DOCK6: variants seen among roughly 807,000 people sequenced by gnomAD.
DOCK6 encodes dedicator of cytokinesis protein 6.
In DOCK6, 167 loss-of-function variants were observed where a neutral mutation model predicts 230.3. The ratio of observed to expected loss-of-function variants is 0.73; its 90% CI spans 0.64 to 0.82. The LOEUF is 0.82. DOCK6 is among the 40% of genes least tolerant of loss of function. The pLI is 0.00. For synonymous variants in DOCK6, 1,148 were observed against 1,185.0 expected, an observed-to-expected ratio of 0.97 and a Z score of 0.64; for missense variants, 2,598 against 2,825.8, an observed-to-expected ratio of 0.92 and a Z score of 1.83.
intron 6 of DOCK6, among the ~76,000 whole-genome samples, chr19:11,249,182 T>C (rs1364384687): frequency 1.3e-5 from 2 of 152,190 alleles, no homozygotes; most frequent in Non-Finnish European, 2.9e-5. Context: ...ATACAGTTGG[T>C]ACCCAATACA....
Position 11,202,221 on chromosome 19 carries a change from C to T in DOCK6, c.5452-96G>A. ...AGGGGATCTGGGGACTTTGTCATTT[C>T]CAAGTCTTCCTATGTCTGGATGTTT... On this transcript the variant is annotated intron_variant, in intron 43 of 47. Coordinates refer to ENST00000294618, the MANE Select transcript of DOCK6 (RefSeq NM_020812.4). The surrounding 1 kb of genome is among the most constrained non-coding windows in gnomAD (Gnocchi z 5.3). The T allele has an allele frequency of 7.0e-7, 1 of 1,432,262 alleles. No individual in the cohort carries two copies. Among genetic ancestry groups the T allele is most frequent in the Non-Finnish European group, 9.6e-7 (1 of 1,038,668 alleles). 88.7% of individuals were successfully genotyped at this position (1,432,262 alleles called of 1,614,324 possible).
At chr19:11,228,679 C>T (rs1156758900) in intron 23 of DOCK6, among the ~76,000 whole-genome samples, 1 of 151,862 alleles carries the variant, frequency 6.6e-6, no homozygotes, top group African/African-American at 2.4e-5. Context: ...TCTGCCTCAG[C>T]CTCCCGAGTA....
rs1357766932 is a variant in DOCK6, at chr19:11,245,559, G to C, written c.1023+4C>G. ...CCACCCCCTTGCCCAGCCCCAGCAGGCACCTTGATGACCAGGAAGATGTCA... is the reference window on the plus strand; with the variant it reads ...CCACCCCCTTGCCCAGCCCCAGCAGCCACCTTGATGACCAGGAAGATGTCA... On this transcript the variant is annotated splice_donor_region_variant and intron_variant, in intron 9 of 47. Transcript: ENST00000294618. The C allele has an allele frequency of 6.4e-7, 1 of 1,554,142 alleles. No individual in the cohort carries two copies. The highest frequency in any genetic ancestry group is 1.4e-5 in the African/African-American group (1 of 73,242).
chr19:11,259,377 T>C (rs183750343), intron 1 of DOCK6, among the ~76,000 whole-genome samples: 18 of 151,998 alleles, frequency 1.2e-4, no homozygotes, highest in African/African-American at 4.3e-4. Context: ...GTTGTTTAAA[T>C]GGTAAAAAAT....
rs778748105 is a variant in DOCK6, at chr19:11,238,324, G to A, written c.1644-20C>T. ...AGGTTCCTGTGGGGGGCAGGATGGG[G>A]GTGTCAGAGGGACAGGGGCCCTGAA... On this transcript the variant is annotated intron_variant, in intron 14 of 47. Coordinates refer to ENST00000294618, the MANE Select transcript of DOCK6 (RefSeq NM_020812.4). 4.4e-6 allele frequency: 7 copies of A among 1,582,988 alleles called. No individual in the cohort carries two copies. Among genetic ancestry groups the A allele is most frequent in the Non-Finnish European group, 6.0e-6 (7 of 1,165,516 alleles).
chr19:11,229,766 T>C (rs1213867208), intron 22 of DOCK6, among the ~76,000 whole-genome samples: 2 of 151,874 alleles, frequency 1.3e-5, no homozygotes, highest in Non-Finnish European at 2.9e-5. Context: ...ATACCTGTTA[T>C]CCCAGCACTT....
At chr19:11,240,318 A>G in intron 14 of DOCK6, 2 of 1,528,830 alleles carry the variant, frequency 1.3e-6, no homozygotes, top group Non-Finnish European at 1.8e-6. Flanking sequence ...CCCCAACCCT[A>G]GTGGGCTGAG....
At chr19:11,235,000 T>C (rs1426575967) in intron 21 of DOCK6, among the ~76,000 whole-genome samples, 5 of 152,100 alleles carry the variant, frequency 3.3e-5, no homozygotes, top group Admixed American at 1.3e-4. Context: ...TGGAGTGCAG[T>C]GGCGTGATCT....
In DOCK6 at chr19:11,204,203, G is replaced by A. The variant is rs1267553786; in HGVS notation, c.5217C>T (p.His1739=). The A allele has an allele frequency of 1.3e-6, 2 of 1,554,650 alleles. No individual in the cohort carries two copies. The highest frequency in any genetic ancestry group is 1.7e-6 in the Non-Finnish European group (2 of 1,148,112). ...KLQEAFTKIM[H]QSSGWERVFG... is the part of the protein sequence containing the mutation. ...GGGGAGGGGGTCCTGGGCCCACCTG[G>A]TGCATGATCTTGGTGAAGGCCTCCT... The change falls in exon 40 of 48, where the codon CAC becomes CAT. Residue 1739 remains histidine, a synonymous_variant. Transcript: ENST00000294618.
rs141833655 is a variant in DOCK6 at position 11,223,153 on chromosome 19, C to T, written c.2956-47G>A. On this transcript the variant is annotated intron_variant, in intron 24 of 47. Coordinates refer to ENST00000294618, the MANE Select transcript of DOCK6 (RefSeq NM_020812.4). Reference sequence around the variant, plus strand: ...AACCCACACACCCAAACCTCAGCCCCGACAGGGGCTTGGCTCTCACCAAGA... The same window carrying T: ...AACCCACACACCCAAACCTCAGCCCTGACAGGGGCTTGGCTCTCACCAAGA... 9.1e-4 allele frequency: 1,429 copies of T among 1,571,740 alleles called. 2 individuals are homozygous for T. The highest frequency in any genetic ancestry group is 1.1e-3 in the Non-Finnish European group (1,317 of 1,148,168).
rs1410684003 is a variant in DOCK6, at chr19:11,204,293, G to T, written c.5127C>A (p.Asn1709Lys). Reference protein sequence around the residue: ...LYEAVNEVYKNLIPILEAHRD... With the variant: ...LYEAVNEVYKKLIPILEAHRD... Reference sequence around the variant, plus strand: ...GGTGGGCTTCCAGGATGGGGATGAGGTTCTTGTAGACCTCATTCACCGCCT... The same window carrying T: ...GGTGGGCTTCCAGGATGGGGATGAGTTTCTTGTAGACCTCATTCACCGCCT... Residue 1709 changes from asparagine (N) to lysine (K), a missense_variant, in exon 40 of 48, where the codon AAC (asparagine) becomes AAA (lysine). By Grantham distance (94) the Asn-to-Lys change is moderately conservative. Transcript: ENST00000294618. 6.2e-7 allele frequency: 1 copy of T among 1,610,290 alleles called. No homozygotes were observed. The highest frequency in any genetic ancestry group is 8.5e-7 in the Non-Finnish European group (1 of 1,178,338).
chr19:11,219,276 C>T (rs1355165619), intron 28 of DOCK6, among the ~76,000 whole-genome samples: 10 of 148,464 alleles, frequency 6.7e-5, no homozygotes, highest in South Asian at 4.3e-4. Flanking sequence ...CTCTGCCTCC[C>T]GGGTTCAAGT....
chr19:11,262,481 CG>C lies in DOCK6; in HGVS notation c.-42del. 9.5e-7 allele frequency: 1 copy of C among 1,053,064 alleles called. No individual in the cohort carries two copies. The highest frequency in any genetic ancestry group is 1.1e-6 in the Non-Finnish European group (1 of 871,500). 65.2% of individuals were successfully genotyped at this position (1,053,064 alleles called of 1,614,324 possible). On this transcript the variant is annotated 5_prime_UTR_variant, in exon 1 of 48. Transcript: ENST00000294618. ...CCGCCGCCGCCCCGGGCCCCGGCCC[CG>C]CCGCCGCCGCCGCCTCCCGGTTCTG...
chr19:11,245,951 G>A (rs1171924332), intron 7 of DOCK6, 73 bp from the exon 8 acceptor site: 3 of 1,522,526 alleles, frequency 2.0e-6, no homozygotes, highest in Admixed American at 4.0e-5. Flanking sequence ...CCCTCTTGAG[G>A]CCCAAGGTGG....
At position 11,237,793 on chromosome 19, in the gene DOCK6, G is replaced by T; in HGVS notation, c.1833-14C>A. 3 of 1,560,826 alleles carry T rather than the reference G, an allele frequency of 1.9e-6. No individual in the cohort carries two copies. The highest frequency in any genetic ancestry group is 1.2e-5 in the South Asian group (1 of 84,522). On this transcript the variant is annotated splice_polypyrimidine_tract_variant and intron_variant, in intron 16 of 47. Coordinates refer to ENST00000294618, the MANE Select transcript of DOCK6 (RefSeq NM_020812.4). ...AACTCGGGGGACCTGGCAGAATCGG[G>T]CTGGGGGATCTGCTGGGGGCTGGGG...
chr19:11,227,357 C>T lies in DOCK6; in HGVS notation c.2935G>A (p.Val979Ile), dbSNP rs758025513. The T allele has an allele frequency of 6.2e-7, 1 of 1,613,914 alleles. No individual in the cohort carries two copies. The highest frequency in any genetic ancestry group is 1.7e-5 in the Admixed American group (1 of 60,018). Reference sequence around the variant, plus strand: ...CTCACCTTGTGGACACGGGTGATGACCTCCAGGCCCACAGAGCCCACCAAG... The same window carrying T: ...CTCACCTTGTGGACACGGGTGATGATCTCCAGGCCCACAGAGCCCACCAAG... ...TALVGSVGLE[V>I]ITRVHKDVEL... Residue 979 changes from valine to isoleucine, a missense_variant, in exon 24 of 48, where the codon GTC becomes ATC. Coordinates refer to ENST00000294618, the MANE Select transcript of DOCK6 (RefSeq NM_020812.4).
chr19:11,235,877 A>AAT, intron 20 of DOCK6, 118 bp from the exon 21 acceptor site: 1 of 885,934 alleles, frequency 1.1e-6, no homozygotes, highest in Non-Finnish European at 1.5e-6. Context: ...GGGGTCACAA[A>AAT]TTTTTTTTTT....
intron 34 of DOCK6, 150 bp downstream of exon 34, chr19:11,214,124 TA>T: frequency 9.9e-6 from 11 of 1,114,890 alleles, no homozygotes; most frequent in African/African-American, 6.3e-5. Flanking sequence ...GGGGCCTCAC[TA>T]TGTTGCCCAG....
chr19:11,253,518 T>C (rs2080153119), intron 2 of DOCK6, 121 bp downstream of exon 2: 1 of 595,458 alleles, frequency 1.7e-6, no homozygotes, highest in Non-Finnish European at 2.7e-6. Flanking sequence ...TGGGTCCCTC[T>C]CGGTTTCCCC....
Sources: gnomAD v4.1 joint callset for allele counts (sites outside exome capture counted in the v4.1 genomes callset) on GRCh38, gnomAD v4.1.1 for gene constraint, Gnocchi (gnomAD v3.1) non-coding constraint, MANE v1.5 for transcripts, NCBI Gene and HGNC (gene_info 2026-07-23, HGNC 2026-07-21) for gene names.